The following ZFAND1 variants were observed in gnomAD, a reference collection of about 807,000 sequenced individuals.
ZFAND1 encodes AN1-type zinc finger protein 1.
Under a neutral mutation model 38.5 loss-of-function variants are expected in ZFAND1, and 40 were observed. The ratio of observed to expected loss-of-function variants is 1.04; its 90% CI spans 0.81 to 1.35. ZFAND1 has a LOEUF of 1.35. Among genes scored for constraint, ZFAND1 ranks in the 40% most tolerant of loss-of-function variants. The pLI is 0.00. For synonymous variants in ZFAND1, 117 were observed against 103.6 expected (o/e 1.13, Z -0.78); for missense variants, 346 against 316.3 (o/e 1.09, Z -0.71).
chr8:81,714,220 A>C, intron 5 of ZFAND1, 181 bp from the exon 6 acceptor site: 1 of 577,006 alleles, frequency 1.7e-6, no homozygotes, highest in Non-Finnish European at 2.8e-6. Flanking sequence ...TATCATTGAG[A>C]TTGATCTAGG....
chr8:81,703,031 C>T lies in ZFAND1; in HGVS notation c.574G>A (p.Ala192Thr). The T allele has an allele frequency of 6.3e-7, 1 of 1,582,692 alleles. No individual in the cohort carries two copies. ...FFCHRWSIGKAIDFAASLARL... is the reference protein window; with the variant it reads ...FFCHRWSIGKTIDFAASLARL... ...GCTAGAGAAGCGGCAAAGTCTATGG[C>T]CTTTCCAATGCTCCATCGGTGGCAA... The change falls in exon 7 of 8, where the codon GCC becomes ACC. Residue 192 changes from alanine to threonine, a missense_variant. Physicochemically the swap from Ala to Thr is moderately conservative, Grantham distance 58. Coordinates refer to ENST00000220669, the MANE Select transcript of ZFAND1 (RefSeq NM_024699.3).
At chr8:81,712,865 T>G (rs192636685) in intron 6 of ZFAND1, among the ~76,000 whole-genome samples, 101 of 152,270 alleles carry the variant, frequency 6.6e-4, no homozygotes, top group African/African-American at 2.4e-3. Flanking sequence ...CCTAAAATTT[T>G]TATTAAGGAA....
chr8:81,712,758 A>G (rs1254357057), intron 6 of ZFAND1, among the ~76,000 whole-genome samples: 1 of 152,210 alleles, frequency 6.6e-6, no homozygotes, highest in Non-Finnish European at 1.5e-5. Context: ...GACATAGATG[A>G]GAAGAGTCAA....
chr8:81,706,814 G>A (rs1403032389), intron 6 of ZFAND1, among the ~76,000 whole-genome samples: 1 of 152,106 alleles, frequency 6.6e-6, no homozygotes, highest in African/African-American at 2.4e-5. Flanking sequence ...CAGAGCTGAA[G>A]ATTTTTTTTC....
intron 5 of ZFAND1, 102 bp downstream of exon 5, chr8:81,714,702 C>T: frequency 1.1e-6 from 1 of 942,540 alleles, no homozygotes; most frequent in South Asian, 1.4e-5. Flanking sequence ...ATACGAATAC[C>T]ACTGGGGTTA....
At position 81,721,276 on chromosome 8, in the gene ZFAND1, C is replaced by A; in HGVS notation, c.6G>T (p.Ala2=). 4 of 1,548,878 alleles carry A rather than the reference C, an allele frequency of 2.6e-6. No homozygotes were observed. The highest frequency in any genetic ancestry group is 3.5e-6 in the Non-Finnish European group (4 of 1,147,060). The change falls in exon 1 of 8, where the codon GCG becomes GCT. Residue 2 remains alanine, a synonymous_variant. Transcript: ENST00000220669. ...GGCAGTGCTGCCCGATGTCCAACTC[C>A]GCCATCTCTCCGGCGCCGTAAGGGG... The part of the protein sequence containing the change: M[A]ELDIGQHCQV...
At chr8:81,718,958 TATAAAG>T (rs1808391001) in intron 1 of ZFAND1, among the ~76,000 whole-genome samples, 1 of 151,946 alleles carries the variant, frequency 6.6e-6, no homozygotes. Flanking sequence ...CAGAGACAGA[TATAAAG>T]ATACAAGCAC....
chr8:81,718,302 A>G (rs1585930539), intron 1 of ZFAND1, 78 bp from the exon 2 acceptor site: 1 of 1,204,938 alleles, frequency 8.3e-7, no homozygotes, highest in South Asian at 1.7e-5. Flanking sequence ...GACAACCTCT[A>G]TGGAAAAACT....
intron 5 of ZFAND1, 169 bp downstream of exon 5, chr8:81,714,635 G>A (rs74821796): frequency 0.05 from 30,474 of 611,044 alleles, 887 homozygotes; most frequent in Middle Eastern, 0.089. Flanking sequence ...AATTTCCATC[G>A]GTCAGGTAGA....
chr8:81,714,193 C>T, intron 5 of ZFAND1, 154 bp from the exon 6 acceptor site: 1 of 663,874 alleles, frequency 1.5e-6, no homozygotes, highest in African/African-American at 1.9e-5. Flanking sequence ...ATTGTATTTA[C>T]ATTGTCAATG....
intron 6 of ZFAND1, among the ~76,000 whole-genome samples, chr8:81,706,949 A>C (rs905607252): frequency 3.3e-5 from 5 of 152,208 alleles, no homozygotes; most frequent in African/African-American, 1.2e-4. Flanking sequence ...GAAAAATATG[A>C]AATGTTACAG....
At chr8:81,713,500 T>C (rs1050133595) in intron 6 of ZFAND1, among the ~76,000 whole-genome samples, 2 of 152,128 alleles carry the variant, frequency 1.3e-5, no homozygotes, top group African/African-American at 4.8e-5. Flanking sequence ...TGTATGTATA[T>C]ATATATATTG....
chr8:81,714,029 T>C lies in ZFAND1; in HGVS notation c.369A>G (p.Thr123=). The change falls in exon 6 of 8, where the codon ACA becomes ACG. Residue 123 remains threonine, a synonymous_variant. Coordinates refer to ENST00000220669, the MANE Select transcript of ZFAND1 (RefSeq NM_024699.3). The part of the protein sequence containing the change: ...KLVKDIIDSK[T]GETASKRWKG... ...TCCATCGTTTACTTGCTGTTTCTCC[T>C]GTCTTGGAATCTAAGAAGTGTAAGC... 6.2e-7 allele frequency: 1 copy of C among 1,605,834 alleles called. No homozygotes were observed. Among genetic ancestry groups the C allele is most frequent in the Non-Finnish European group, 8.5e-7 (1 of 1,177,666 alleles).
At position 81,702,586 on chromosome 8, in the gene ZFAND1, T is replaced by G. The variant is rs546067711; in HGVS notation, c.*109A>C. Reference sequence around the variant, plus strand: ...AAAATGTGACATAAGGGGAAATAAGTTAAAAAGCAACTTTTAAAAATTACA... The same window carrying G: ...AAAATGTGACATAAGGGGAAATAAGGTAAAAAGCAACTTTTAAAAATTACA... On this transcript the variant is annotated 3_prime_UTR_variant, in exon 8 of 8. Transcript: ENST00000220669. The G allele has an allele frequency of 5.0e-6, 5 of 1,007,910 alleles. No individual in the cohort carries two copies. The highest frequency in any genetic ancestry group is 3.4e-5 in the African/African-American group (2 of 59,296). The allele number at this position is 1,007,910 out of a possible 1,614,324, so 62.4% of individuals were successfully genotyped here.
chr8:81,719,421 C>T (rs544081783), intron 1 of ZFAND1, among the ~76,000 whole-genome samples: 10 of 151,422 alleles, frequency 6.6e-5, no homozygotes, highest in Non-Finnish European at 7.4e-5. Context: ...GCAGGAGAAT[C>T]GCTTGAATTC....
At chr8:81,703,847 A>G (rs925435794) in intron 6 of ZFAND1, among the ~76,000 whole-genome samples, 1 of 152,218 alleles carries the variant, frequency 6.6e-6, no homozygotes, top group Non-Finnish European at 1.5e-5. Flanking sequence ...AATGAGGTCA[A>G]TGTAGAAAGA....
intron 6 of ZFAND1, chr8:81,708,927 C>T (rs532407262): frequency 8.3e-5 from 30 of 361,520 alleles, no homozygotes; most frequent in African/African-American, 3.6e-4. Flanking sequence ...ATAGGCAATC[C>T]GTCAATGAAA....
At position 81,721,250 on chromosome 8, in the gene ZFAND1, T is replaced by C. The variant is rs1352380697; in HGVS notation, c.32A>G (p.Gln11Arg). 15 of 1,549,184 alleles carry C rather than the reference T, an allele frequency of 9.7e-6. No individual in the cohort carries two copies. Among genetic ancestry groups the C allele is most frequent in the South Asian group, 5.9e-5 (5 of 84,034 alleles). Residue 11 changes from glutamine to arginine, a missense_variant, in exon 1 of 8, where the codon CAG (glutamine) becomes CGG (arginine). By Grantham distance (43) the Gln-to-Arg change is conservative. Coordinates refer to ENST00000220669, the MANE Select transcript of ZFAND1 (RefSeq NM_024699.3). MAELDIGQHC[Q>R]VEHCRQRDFL... The stretch of plus-strand genomic sequence containing the variant: ...ACCTCGCTGCCGGCAATGCTCCACC[T>C]GGCAGTGCTGCCCGATGTCCAACTC...
intron 3 of ZFAND1, among the ~76,000 whole-genome samples, chr8:81,715,558 G>A (rs139127991): frequency 3.7e-4 from 56 of 151,624 alleles, no homozygotes; most frequent in African/African-American, 1.3e-3. Context: ...GGTTAAAGAC[G>A]GTTTTCATAA....
Sources: gnomAD v4.1 joint callset for allele counts (sites outside exome capture counted in the v4.1 genomes callset) on GRCh38, gnomAD v4.1.1 for gene constraint, MANE v1.5 for transcripts, NCBI Gene and HGNC (gene_info 2026-07-23, HGNC 2026-07-21) for gene names.